The following ZBED1 variants were observed in gnomAD, a reference collection of about 807,000 sequenced individuals.
ZBED1 encodes E3 SUMO-protein ligase ZBED1.
A neutral mutation model predicts 49.7 loss-of-function variants in ZBED1; 19 were observed. The observed-to-expected ratio is 0.38, with a 90% CI of 0.27 to 0.56. ZBED1 has a LOEUF of 0.56. ZBED1 is among the 20% of genes least tolerant of loss of function. The pLI, the probability that ZBED1 is intolerant of heterozygous loss-of-function variation, is 0.70. For synonymous variants in ZBED1, 439 were observed against 440.3 expected, an observed-to-expected ratio of 1.00 and a Z score of 0.04; for missense variants, 806 against 972.6, an observed-to-expected ratio of 0.83 and a Z score of 2.28.
chrX:2,490,624 G>A lies in ZBED1; in HGVS notation c.96C>T (p.Asp32=). The A allele has an allele frequency of 6.2e-7, 1 of 1,613,988 alleles. No individual in the cohort carries two copies. The highest frequency in any genetic ancestry group is 8.5e-7 in the Non-Finnish European group (1 of 1,179,866). ...GCAGGATGCATCCCTCGGCGTTGGT[G>A]TCGAAGCCGAAATACTTCCACACCT... The part of the protein sequence containing the change: ...KSKVWKYFGF[D]TNAEGCILQW... Residue 32 remains aspartate, a synonymous_variant, in exon 2 of 2, where the codon GAC becomes GAT. Transcript: ENST00000652001.
Position 2,488,545 on chromosome X carries a change from G to A in ZBED1, c.*90C>T. 2 of 1,466,890 alleles carry A rather than the reference G, an allele frequency of 1.4e-6. No individual in the cohort carries two copies. Among genetic ancestry groups the A allele is most frequent in the Non-Finnish European group, 1.8e-6 (2 of 1,101,176 alleles). The allele number at this position is 1,466,890 out of a possible 1,614,324, so 90.9% of individuals were successfully genotyped here. A position where few individuals can be genotyped will look rare whatever the true frequency, so the allele number is the denominator to read the frequency against. ...TCAAAGACAGTGGATGGTCTCTGAG[G>A]TTCAAAACCAAGCTGACCGGGTAAG... is the stretch of plus-strand genomic sequence containing the variant. On this transcript the variant is annotated 3_prime_UTR_variant, in exon 2 of 2. Coordinates refer to ENST00000652001, the MANE Select transcript of ZBED1 (RefSeq NM_001171136.2).
chrX:2,498,456 T>A (rs970982557), intron 1 of ZBED1, among the ~76,000 whole-genome samples: 5 of 152,082 alleles, frequency 3.3e-5, no homozygotes, highest in African/African-American at 4.8e-5. Context: ...TTATTTTTAA[T>A]CCATACATAG....
intron 1 of ZBED1, among the ~76,000 whole-genome samples, chrX:2,493,181 A>G (rs1299946152): frequency 1.3e-5 from 2 of 152,180 alleles, no homozygotes; most frequent in Non-Finnish European, 2.9e-5. Context: ...CAAAACGAGG[A>G]ACCCCCAAAC....
rs1227057260 is a variant in ZBED1 at position 2,487,015 on chromosome X, C to G, written c.*1620G>C. ...CTAGACACCGTTCTCCCCAGCCCAG[C>G]TTGTCTTCACGGAGGCAGAGAACCC... On this transcript the variant is annotated 3_prime_UTR_variant, in exon 2 of 2. Coordinates refer to ENST00000652001, the MANE Select transcript of ZBED1 (RefSeq NM_001171136.2). The G allele has an allele frequency of 6.6e-6, 1 of 152,200 alleles. No homozygotes were observed. The highest frequency in any genetic ancestry group is 1.5e-5 in the Non-Finnish European group (1 of 68,044). The allele number at this position is 152,200 out of a possible 1,614,324, so 9.4% of individuals were successfully genotyped here.
At position 2,492,058 on chromosome X, in the gene ZBED1, G is replaced by C. The variant is rs182129560; in HGVS notation, c.-53-1286C>G. Among the ~76,000 whole-genome samples the C allele has an allele frequency of 2.8e-4, 42 of 152,332 alleles. No homozygotes were observed. The East Asian group carries it at 6.0e-3, about 22-fold the overall frequency. On this transcript the variant is annotated intron_variant, in intron 1 of 1. Transcript: ENST00000652001. ...AAAATGCACCACCCAGGCACGTTCA[G>C]AGTGTTGGGATACAGTCAGTGCAAG... is the stretch of plus-strand genomic sequence containing the variant.
Position 2,489,532 on chromosome X carries a change from C to T in ZBED1, c.1188G>A (p.Gly396=). 12 of 1,612,942 alleles carry T rather than the reference C, an allele frequency of 7.4e-6. No homozygotes were observed. The highest frequency in any genetic ancestry group is 9.3e-6 in the Non-Finnish European group (11 of 1,179,850). Residue 396 remains glycine (G), a synonymous_variant, in exon 2 of 2, where the codon GGG becomes GGA. Transcript: ENST00000652001. The stretch of plus-strand genomic sequence containing the variant: ...TGAAGGGCTGCAGGAGCTCCACCAG[C>T]CCCTCGATGGTGGCCCACTCGCTGG... The part of the protein sequence containing the change: ...LEASEWATIE[G]LVELLQPFKQ...
intron 1 of ZBED1, among the ~76,000 whole-genome samples, chrX:2,491,330 A>C (rs999836102): frequency 5.3e-5 from 8 of 152,212 alleles, no homozygotes; most frequent in African/African-American, 1.4e-4. Flanking sequence ...TTGGCCTCCC[A>C]AAGTGCTGGG....
chrX:2,489,298 G>A lies in ZBED1; in HGVS notation c.1422C>T (p.Phe474=). 1 of 1,613,960 alleles carries A rather than the reference G, an allele frequency of 6.2e-7. No individual in the cohort carries two copies. The highest frequency in any genetic ancestry group is 8.5e-7 in the Non-Finnish European group (1 of 1,179,852). Residue 474 remains phenylalanine (F), a synonymous_variant, in exon 2 of 2, where the codon TTC becomes TTT. Coordinates refer to ENST00000652001, the MANE Select transcript of ZBED1 (RefSeq NM_001171136.2). ...EIDMFLNVAT[F]LDPRYKRLPF... is the part of the protein sequence containing the mutation. ...GCAGCCTCTTGTAGCGGGGGTCCAG[G>A]AAGGTGGCCACGTTGAGAAACATGT...
intron 1 of ZBED1, among the ~76,000 whole-genome samples, chrX:2,494,633 CATTATT>C (rs964155593): frequency 9.2e-5 from 14 of 151,606 alleles, no homozygotes; most frequent in Middle Eastern, 3.4e-3. Flanking sequence ...CTATTATTAT[CATTATT>C]ATTATTATTT....
intron 1 of ZBED1, among the ~76,000 whole-genome samples, chrX:2,492,461 G>C (rs1415717704): frequency 2.7e-5 from 4 of 150,584 alleles, no homozygotes; most frequent in Non-Finnish European, 5.9e-5. Flanking sequence ...ATGGTGGATT[G>C]AACAGTGGCC....
At chrX:2,499,927 C>T (rs1353506267) in intron 1 of ZBED1, among the ~76,000 whole-genome samples, 3 of 152,100 alleles carry the variant, frequency 2.0e-5, no homozygotes, top group Non-Finnish European at 4.4e-5. Flanking sequence ...CCTGTAATGC[C>T]AGCACTTTGG....
chrX:2,491,051 T>C (rs2045125631), intron 1 of ZBED1, among the ~76,000 whole-genome samples: 1 of 149,004 alleles, frequency 6.7e-6, no homozygotes, highest in Admixed American at 6.8e-5. Flanking sequence ...GGGCTGTACC[T>C]GACAAGTGCC....
rs2045035888 is a variant in ZBED1, at chrX:2,488,899, C to T, written c.1821G>A (p.Lys607=). ...CGCGCGTGGCCGTCACGCACCAGTA[C>T]TTCTGCAGCACCTTGGGCAGCAGGG... ...LFPLLPKVLQ[K]YWCVTATRVA... The change falls in exon 2 of 2, where the codon AAG becomes AAA. Residue 607 remains lysine, a synonymous_variant. Transcript: ENST00000652001. 1 of 1,609,132 alleles carries T rather than the reference C, an allele frequency of 6.2e-7. No individual in the cohort carries two copies. Among genetic ancestry groups the T allele is most frequent in the South Asian group, 1.1e-5 (1 of 90,392 alleles).
intron 1 of ZBED1, among the ~76,000 whole-genome samples, chrX:2,491,021 G>C (rs1008996508): frequency 6.6e-6 from 1 of 151,768 alleles, no homozygotes; most frequent in African/African-American, 2.4e-5. Context: ...AGGTTTGCGA[G>C]TGAGCACGGC....
chrX:2,495,648 C>CCCTCCTT (rs764923016), intron 1 of ZBED1, among the ~76,000 whole-genome samples: 9 of 151,976 alleles, frequency 5.9e-5, no homozygotes, highest in East Asian at 3.9e-4. Flanking sequence ...GCAGTGAGTA[C>CCCTCCTT]CCTCCTTCCT....
At chrX:2,494,562 A>G (rs1363188752) in intron 1 of ZBED1, among the ~76,000 whole-genome samples, 2 of 151,892 alleles carry the variant, frequency 1.3e-5, no homozygotes, top group African/African-American at 4.8e-5. Context: ...ACAAAAGTTT[A>G]TATTTTATTA....
chrX:2,500,347 C>T lies in ZBED1; in HGVS notation c.-54+470G>A, dbSNP rs774773309. Reference sequence around the variant, plus strand: ...TAGGGGTCGAGGTCCCTGGGACGCCCGCTCCTCCCCTCCGGGGCCTGGCGG... The same window carrying T: ...TAGGGGTCGAGGTCCCTGGGACGCCTGCTCCTCCCCTCCGGGGCCTGGCGG... On this transcript the variant is annotated intron_variant, in intron 1 of 1. Coordinates refer to ENST00000652001, the MANE Select transcript of ZBED1 (RefSeq NM_001171136.2). The T allele has an allele frequency of 9.9e-5, 18 of 181,600 alleles. No homozygotes were observed. In the East Asian group the frequency reaches 2.4e-3, roughly 24 times the overall value. The allele number at this position is 181,600 out of a possible 1,614,324, so 11.2% of individuals were successfully genotyped here. A position where few individuals can be genotyped will look rare whatever the true frequency, so the allele number is the denominator to read the frequency against.
chrX:2,491,077 T>TG (rs113134935), intron 1 of ZBED1, among the ~76,000 whole-genome samples: 39,026 of 146,836 alleles, frequency 0.27, 5,490 homozygotes, highest in South Asian at 0.34. Flanking sequence ...TTTTTTTTTT[T>TG]TTTTTTTTTT....
chrX:2,499,408 C>T (rs1184244587), intron 1 of ZBED1, among the ~76,000 whole-genome samples: 2 of 150,884 alleles, frequency 1.3e-5, no homozygotes, highest in Non-Finnish European at 2.9e-5. Context: ...TATCATTTAA[C>T]CTAACATGGA....
Sources: gnomAD v4.1 joint callset for allele counts (sites outside exome capture counted in the v4.1 genomes callset) on GRCh38, gnomAD v4.1.1 for gene constraint, MANE v1.5 for transcripts, NCBI Gene and HGNC (gene_info 2026-07-23, HGNC 2026-07-21) for gene names.